Variants in XPO1 observed in about 807,000 individuals in gnomAD.
The protein encoded by XPO1 is exportin-1.
In XPO1, 5 loss-of-function variants were observed where a neutral mutation model predicts 133.3. The observed-to-expected ratio is 0.04, with a 90% confidence interval of 0.02 to 0.08. The LOEUF is 0.08. Among genes scored for constraint, XPO1 ranks in the 10% least tolerant of loss-of-function variants. XPO1 has a pLI of 1.00. For missense variants in XPO1, 506 were observed against 1,267.5 expected (o/e 0.40, Z 9.12); for synonymous variants, 419 against 408.2 (o/e 1.03, Z -0.32).
chr2:61,501,929 A>G (rs1697545831), intron 6 of XPO1, 67 bp downstream of exon 6: 1 of 1,328,730 alleles, frequency 7.5e-7, no homozygotes, highest in Non-Finnish European at 1.0e-6. Flanking sequence ...TTTCCTAAGT[A>G]GGTCGAACAT....
intron 2 of XPO1, among the ~76,000 whole-genome samples, chr2:61,533,135 C>G (rs1185812803): frequency 1.3e-5 from 2 of 151,982 alleles, no homozygotes; most frequent in South Asian, 4.2e-4. Context: ...GCTGAGATAG[C>G]GCCACTGCAC....
chr2:61,517,707 G>T (rs1409101578), intron 4 of XPO1, among the ~76,000 whole-genome samples: 1 of 152,158 alleles, frequency 6.6e-6, no homozygotes, highest in African/African-American at 2.4e-5. Context: ...CGGCAAAGTA[G>T]GAAGACTGCT....
At chr2:61,509,597 G>C (rs961437951) in intron 4 of XPO1, among the ~76,000 whole-genome samples, 13 of 151,844 alleles carry the variant, frequency 8.6e-5, no homozygotes, top group Admixed American at 5.3e-4. Context: ...TCGCACTCCA[G>C]CCTGGGCAAC....
At chr2:61,484,182 A>C in intron 20 of XPO1, 77 bp from the exon 21 acceptor site, 1 of 1,285,286 alleles carries the variant, frequency 7.8e-7, no homozygotes, top group African/African-American at 1.5e-5. Flanking sequence ...AGCAAGGCTT[A>C]ATCCAGTATA....
At chr2:61,514,905 T>C (rs1173500185) in intron 4 of XPO1, among the ~76,000 whole-genome samples, 2 of 151,446 alleles carry the variant, frequency 1.3e-5, no homozygotes, top group African/African-American at 4.9e-5. Flanking sequence ...CGAAACTCTA[T>C]TACAAAAACA....
intron 1 of XPO1, among the ~76,000 whole-genome samples, chr2:61,537,295 T>C (rs1280100855): frequency 1.3e-5 from 2 of 149,770 alleles, no homozygotes; most frequent in African/African-American, 4.9e-5. Flanking sequence ...ATCACACTCC[T>C]CGCCTTCCTC....
Position 61,483,107 on chromosome 2 carries a change from T to C in XPO1, c.2678-16A>G, listed in dbSNP as rs1229336412. ...ATCTGTAAGCCTAAAAGACATAGAA[T>C]ACCAATGGAAAGTTACTACAGACTG... On this transcript the variant is annotated splice_polypyrimidine_tract_variant and intron_variant, in intron 21 of 24. Transcript: ENST00000401558. 12 of 1,602,422 alleles carry C rather than the reference T, an allele frequency of 7.5e-6. No homozygotes were observed. The highest frequency in any genetic ancestry group is 9.4e-6 in the Non-Finnish European group (11 of 1,174,562).
intron 4 of XPO1, among the ~76,000 whole-genome samples, chr2:61,522,037 C>T (rs1344048149): frequency 1.8e-4 from 28 of 152,198 alleles, no homozygotes; most frequent in Admixed American, 1.8e-3. Context: ...GGATTACAGG[C>T]TTGAGCCACT....
At chr2:61,512,770 C>T (rs1469910589) in intron 4 of XPO1, among the ~76,000 whole-genome samples, 1 of 152,164 alleles carries the variant, frequency 6.6e-6, no homozygotes, top group Non-Finnish European at 1.5e-5. Context: ...GAGCTGGGTG[C>T]GGTAGCTCAC....
intron 4 of XPO1, among the ~76,000 whole-genome samples, chr2:61,515,433 GT>G (rs1698322731): frequency 6.6e-6 from 1 of 152,184 alleles, no homozygotes; most frequent in African/African-American, 2.4e-5. Flanking sequence ...GTAGGTGTTA[GT>G]GAGCTCACTT....
chr2:61,531,078 G>A (rs1699134608), intron 2 of XPO1, among the ~76,000 whole-genome samples: 1 of 152,122 alleles, frequency 6.6e-6, no homozygotes, highest in Non-Finnish European at 1.5e-5. Flanking sequence ...TAAAAATCAT[G>A]TTTTCCACTA....
At chr2:61,516,010 C>A (rs548434946) in intron 4 of XPO1, among the ~76,000 whole-genome samples, 1 of 150,904 alleles carries the variant, frequency 6.6e-6, no homozygotes, top group Admixed American at 6.6e-5. Context: ...CCTGTAGTCC[C>A]AGCTACTCAG....
intron 4 of XPO1, among the ~76,000 whole-genome samples, chr2:61,504,557 G>C (rs1469083413): frequency 1.3e-5 from 2 of 152,152 alleles, no homozygotes; most frequent in Non-Finnish European, 2.9e-5. Flanking sequence ...ATAGCGTTCA[G>C]ATTTTTGGAA....
intron 4 of XPO1, among the ~76,000 whole-genome samples, chr2:61,511,813 C>T (rs1217791626): frequency 6.6e-6 from 1 of 152,084 alleles, no homozygotes. Flanking sequence ...GGCTGGAATG[C>T]AGTGGCATGA....
intron 4 of XPO1, among the ~76,000 whole-genome samples, chr2:61,504,096 C>T (rs1697679388): frequency 6.6e-6 from 1 of 152,112 alleles, no homozygotes; most frequent in South Asian, 2.1e-4. Context: ...TTAATTGCAA[C>T]ATTAAGCTCA....
At chr2:61,526,210 T>G in intron 3 of XPO1, 1 of 1,363,336 alleles carries the variant, frequency 7.3e-7, no homozygotes, top group Non-Finnish European at 9.4e-7. Flanking sequence ...AAAAGCCACC[T>G]TGCATACTAG....
In XPO1 at chr2:61,495,450, C is replaced by G. The variant is rs767302249; in HGVS notation, c.1047+5G>C. 1 of 1,538,548 alleles carries G rather than the reference C, an allele frequency of 6.5e-7. No individual in the cohort carries two copies. Among genetic ancestry groups the G allele is most frequent in the Non-Finnish European group, 8.8e-7 (1 of 1,137,838 alleles). ...TTTTAGGAGCAAAAGCTCCACATATCTTACCTCCATAAGAGTTTCCCTGAG... is the reference window on the plus strand; with the variant it reads ...TTTTAGGAGCAAAAGCTCCACATATGTTACCTCCATAAGAGTTTCCCTGAG... On this transcript the variant is annotated splice_donor_5th_base_variant and intron_variant, in intron 11 of 24. Transcript: ENST00000401558.
intron 9 of XPO1, among the ~76,000 whole-genome samples, chr2:61,497,398 G>C (rs954072044): frequency 1.1e-4 from 17 of 152,098 alleles, no homozygotes; most frequent in African/African-American, 4.8e-5. Context: ...TTTTAGTAGA[G>C]ACAGGGTTTT....
chr2:61,488,525 T>G, intron 18 of XPO1, 63 bp downstream of exon 18: 1 of 1,492,222 alleles, frequency 6.7e-7, no homozygotes, highest in South Asian at 1.3e-5. Flanking sequence ...ATGTTTGACT[T>G]AAGGCAGTAG....
Sources: allele counts gnomAD v4.1 joint callset (sites outside exome capture counted in the v4.1 genomes callset), GRCh38; gene constraint gnomAD v4.1.1; transcripts MANE v1.5; gene names NCBI Gene and HGNC (gene_info 2026-07-23, HGNC 2026-07-21).